Variants in FAM186B observed in about 807,000 individuals in gnomAD.
FAM186B encodes protein FAM186B.
Under a neutral mutation model 83.4 loss-of-function variants are expected in FAM186B, and 68 were observed. The ratio of observed to expected loss-of-function variants is 0.81; its 90% CI spans 0.67 to 1.00. The LOEUF is 1.00. Among genes scored for constraint, FAM186B ranks in the 50% least tolerant of loss-of-function variants. The pLI is 0.00. For missense variants in FAM186B, 983 were observed against 1,099.2 expected (o/e 0.89, Z 1.49); for synonymous variants, 389 against 422.0 (o/e 0.92, Z 0.96).
At chr12:49,620,035 C>T in the FAM186B span, among the ~76,000 whole-genome samples, 1 of 152,072 alleles carries the variant, frequency 6.6e-6, no homozygotes, top group Non-Finnish European at 1.5e-5. Context: ...GTGGGTTCAG[C>T]TGATAACACG....
At chr12:49,613,104 G>T in the FAM186B span, among the ~76,000 whole-genome samples, 1 of 152,134 alleles carries the variant, frequency 6.6e-6, no homozygotes, top group Non-Finnish European at 1.5e-5. Context: ...CAATTACATA[G>T]AAATTAAACA....
chr12:49,596,926 C>T (rs1264344565), intron 5 of FAM186B, among the ~76,000 whole-genome samples: 1 of 152,182 alleles, frequency 6.6e-6, no homozygotes, highest in Non-Finnish European at 1.5e-5. Flanking sequence ...TACAGTCGTG[C>T]ACTGCATAAC....
At chr12:49,615,023 G>A in the FAM186B span, among the ~76,000 whole-genome samples, 1 of 152,166 alleles carries the variant, frequency 6.6e-6, no homozygotes, top group South Asian at 2.1e-4. Context: ...AGCTACTCAG[G>A]AGGCTGAGAC....
intron 5 of FAM186B, chr12:49,595,366 C>T (rs113479930): frequency 1.4e-5 from 8 of 557,154 alleles, no homozygotes; most frequent in African/African-American, 3.8e-5. Context: ...ACAGAATTTA[C>T]CTGAGTCTGC....
Position 49,605,530 on chromosome 12 carries a change from T to A in FAM186B, c.-53A>T, listed in dbSNP as rs1645078085. The A allele has an allele frequency of 6.4e-7, 1 of 1,571,658 alleles. No homozygotes were observed. Among genetic ancestry groups the A allele is most frequent in the Non-Finnish European group, 8.7e-7 (1 of 1,154,952 alleles). On this transcript the variant is annotated 5_prime_UTR_variant, in exon 1 of 7. Coordinates refer to ENST00000257894, the MANE Select transcript of FAM186B (RefSeq NM_032130.3). ...ATCCTGTGTTTCTGGTCCACAGGCC[T>A]GGACACACAATGTTGCCTGCTTTGG...
the FAM186B span, chr12:49,619,739 A>G: frequency 3.4e-6 from 1 of 296,494 alleles, no homozygotes; most frequent in South Asian, 4.4e-5. Context: ...GCAGTGGCAC[A>G]ATCTTGCTCA....
At chr12:49,584,400 C>T, downstream of FAM186B, 1 of 672,578 alleles carries the variant, frequency 1.5e-6, no homozygotes, top group East Asian at 2.7e-5. Flanking sequence ...TTAAAAGCAC[C>T]AGCTGGGAAC....
At chr12:49,607,859 G>T (rs148775805), upstream of FAM186B, among the ~76,000 whole-genome samples, 1 of 151,674 alleles carries the variant, frequency 6.6e-6, no homozygotes, top group African/African-American at 2.4e-5. Flanking sequence ...GCCACCACGC[G>T]CAGCTAATTT....
chr12:49,604,438 G>A lies in FAM186B; in HGVS notation c.197C>T (p.Ser66Phe). Residue 66 changes from serine to phenylalanine, a missense_variant, in exon 2 of 7, where the codon TCT (serine) becomes TTT (phenylalanine). Physicochemically the swap from Ser to Phe is radical, Grantham distance 155. Coordinates refer to ENST00000257894, the MANE Select transcript of FAM186B (RefSeq NM_032130.3). ...CTTGCCCTTTGGATCTCTCTGCTGA[G>A]ATTTGGCATTTTCTTTTAAATCATA... ...LGYDLKENAK[S>F]QQRDPKGKKR... The A allele has an allele frequency of 6.2e-7, 1 of 1,614,220 alleles. No homozygotes were observed. The highest frequency in any genetic ancestry group is 8.5e-7 in the Non-Finnish European group (1 of 1,180,016).
In FAM186B at chr12:49,596,971, C is replaced by T. The variant is rs185904284; in HGVS notation, c.2364+1784G>A. Among the ~76,000 whole-genome samples the T allele has an allele frequency of 7.9e-5, 12 of 152,310 alleles. No individual in the cohort carries two copies. The East Asian group carries it at 1.7e-3, about 22-fold the overall frequency. ...GTAAATGATGGACCACATATATGAC[C>T]GTGGTCTCATAAGATTATAATACCA... On this transcript the variant is annotated intron_variant, in intron 5 of 6. Coordinates refer to ENST00000257894, the MANE Select transcript of FAM186B (RefSeq NM_032130.3).
intron 5 of FAM186B, among the ~76,000 whole-genome samples, chr12:49,594,706 C>T (rs1565807064): frequency 6.6e-6 from 1 of 152,098 alleles, no homozygotes; most frequent in Non-Finnish European, 1.5e-5. Context: ...GAAAACCCAT[C>T]TCTACTAAAA....
chr12:49,614,343 G>A, the FAM186B span, among the ~76,000 whole-genome samples: 2 of 152,024 alleles, frequency 1.3e-5, no homozygotes, highest in Non-Finnish European at 2.9e-5. Flanking sequence ...ACCACCAACA[G>A]TGTTTTGGAT....
intron 5 of FAM186B, among the ~76,000 whole-genome samples, chr12:49,590,137 TAA>T (rs1030082562): frequency 2.6e-5 from 4 of 151,978 alleles, no homozygotes; most frequent in Admixed American, 1.3e-4. Flanking sequence ...GATTCCAATA[TAA>T]GTTTTTTTTT....
At chr12:49,619,638 T>C in the FAM186B span, 5 of 571,546 alleles carry the variant, frequency 8.7e-6, no homozygotes, top group Non-Finnish European at 1.6e-5. Flanking sequence ...CTTGGTTTTG[T>C]TGGAGGAGCT....
chr12:49,587,875 A>G, intron 6 of FAM186B, 123 bp from the exon 7 acceptor site: 1 of 1,066,140 alleles, frequency 9.4e-7, no homozygotes, highest in Non-Finnish European at 1.3e-6. Flanking sequence ...CGAGTGTGTC[A>G]CTGCCCTCCT....
At chr12:49,584,699 T>TC (rs1939403923), downstream of FAM186B, 5 of 693,378 alleles carry the variant, frequency 7.2e-6, no homozygotes, top group South Asian at 7.5e-5. Context: ...CCTGAGCACT[T>TC]CCCAGAGCCA....
the FAM186B span, among the ~76,000 whole-genome samples, chr12:49,620,233 T>C: frequency 1.3e-5 from 2 of 152,202 alleles, no homozygotes; most frequent in East Asian, 1.9e-4. Context: ...CTAAAGAAGA[T>C]AGCAAACCAA....
At chr12:49,592,236 G>A (rs190867307) in intron 5 of FAM186B, among the ~76,000 whole-genome samples, 126 of 152,356 alleles carry the variant, frequency 8.3e-4, no homozygotes, top group East Asian at 2.9e-3. Flanking sequence ...CACTTTGGGA[G>A]GCCGAGGTGG....
the FAM186B span, among the ~76,000 whole-genome samples, chr12:49,611,446 C>T: frequency 6.6e-6 from 1 of 151,166 alleles, no homozygotes; most frequent in Non-Finnish European, 1.5e-5. Context: ...CCCAGCTATT[C>T]AGGAGACTGG....
Sources: allele counts gnomAD v4.1 joint callset (sites outside exome capture counted in the v4.1 genomes callset), GRCh38; gene constraint gnomAD v4.1.1; transcripts MANE v1.5; gene names NCBI Gene and HGNC (gene_info 2026-07-23, HGNC 2026-07-21).